The following MAML2 variants were observed in gnomAD, a reference collection of about 807,000 sequenced individuals.
MAML2 encodes mastermind like transcriptional coactivator 2.
In MAML2, 22 loss-of-function variants were observed where a neutral mutation model predicts 96.1. That is an observed-to-expected ratio of 0.23 (90% CI 0.16 to 0.33). The LOEUF is 0.33. Ranked by LOEUF, MAML2 falls within the 10% of genes least tolerant of loss-of-function variation. The probability of loss-of-function intolerance (pLI) is 1.00; values close to 1 mark genes in which losing one functional copy is unlikely to be tolerated. For synonymous variants in MAML2, 561 were observed against 521.3 expected, an observed-to-expected ratio of 1.08 and a Z score of -1.04; for missense variants, 1,367 against 1,392.4, an observed-to-expected ratio of 0.98 and a Z score of 0.29.
intron 1 of MAML2, among the ~76,000 whole-genome samples, chr11:96,219,896 T>C (rs938490719): frequency 2.6e-5 from 4 of 152,144 alleles, no homozygotes; most frequent in African/African-American, 9.7e-5. Flanking sequence ...AGTGCTGAGA[T>C]TACAGGTGTG....
chr11:96,068,438 T>TCACTCACACACACACACACACACA (rs1555004090), intron 2 of MAML2, among the ~76,000 whole-genome samples: 3 of 120,290 alleles, frequency 2.5e-5, no homozygotes, highest in Non-Finnish European at 5.2e-5. Flanking sequence ...GGAGCTTACT[T>TCACTCACACACACACACACACACA]CACACACACA....
At chr11:96,266,553 AGAGT>A (rs1862830967) in intron 1 of MAML2, among the ~76,000 whole-genome samples, 1 of 151,798 alleles carries the variant, frequency 6.6e-6, no homozygotes, top group African/African-American at 2.4e-5. Context: ...CCTGGGCAAC[AGAGT>A]GAGACTCCGT....
chr11:96,096,650 G>C (rs995793084), intron 1 of MAML2, among the ~76,000 whole-genome samples: 1 of 152,126 alleles, frequency 6.6e-6, no homozygotes, highest in East Asian at 1.9e-4. Context: ...CAGGGATCTC[G>C]TCCCGATTCT....
chr11:96,302,001 T>G (rs149804731), intron 1 of MAML2, among the ~76,000 whole-genome samples: 163 of 152,368 alleles, frequency 1.1e-3, no homozygotes, highest in African/African-American at 2.5e-3. Context: ...AAGCACTTTT[T>G]GTGTGTGTGC....
At chr11:96,039,323 G>A (rs951188380) in intron 2 of MAML2, among the ~76,000 whole-genome samples, 6 of 141,766 alleles carry the variant, frequency 4.2e-5, no homozygotes, top group Non-Finnish European at 9.2e-5. Flanking sequence ...GAGAGAGGAG[G>A]AGAGGAGGGG....
At chr11:96,080,988 T>C (rs1859521257) in intron 2 of MAML2, among the ~76,000 whole-genome samples, 1 of 152,180 alleles carries the variant, frequency 6.6e-6, no homozygotes, top group African/African-American at 2.4e-5. Context: ...ATAATGGGCA[T>C]TTTAATTATG....
At chr11:96,174,256 C>T (rs181655847) in intron 1 of MAML2, among the ~76,000 whole-genome samples, 31 of 152,344 alleles carry the variant, frequency 2.0e-4, no homozygotes, top group African/African-American at 7.5e-4. Flanking sequence ...GGATGCCTTG[C>T]TTTTCTGTCC....
chr11:96,325,224 T>C (rs7128299), intron 1 of MAML2, among the ~76,000 whole-genome samples: 2,667 of 152,186 alleles, frequency 0.018, 77 homozygotes, highest in African/African-American at 0.061. Flanking sequence ...CTATTCAACT[T>C]TGCCAGCTTT....
chr11:96,068,727 G>A (rs1859288026), intron 2 of MAML2, among the ~76,000 whole-genome samples: 1 of 151,678 alleles, frequency 6.6e-6, no homozygotes, highest in Non-Finnish European at 1.5e-5. Context: ...CTACTCAGGA[G>A]GCTGAGGCAG....
At chr11:96,255,949 C>T (rs1433738220) in intron 1 of MAML2, among the ~76,000 whole-genome samples, 3 of 138,476 alleles carry the variant, frequency 2.2e-5, no homozygotes, top group African/African-American at 8.2e-5. Flanking sequence ...TCTTGGCTTA[C>T]TGCAACCTCT....
rs532353767 is a variant in MAML2 at position 96,183,723 on chromosome 11, A to G, written c.514-90206T>C. Among the ~76,000 whole-genome samples the G allele has an allele frequency of 2.6e-5, 4 of 152,152 alleles. No homozygotes were observed. In the South Asian group the frequency reaches 8.3e-4, roughly 32 times the overall value. On this transcript the variant is annotated intron_variant, in intron 1 of 4. Transcript: ENST00000524717. ...CCACACCCAGCCCATTTCTTTTATT[A>G]TTACTTTATGTTTCAGAGCAGTCTT... is the stretch of plus-strand genomic sequence containing the variant.
intron 1 of MAML2, among the ~76,000 whole-genome samples, chr11:96,188,714 G>A (rs961579919): frequency 4.6e-5 from 7 of 151,946 alleles, no homozygotes; most frequent in African/African-American, 1.2e-4. Context: ...GATTCAGGGA[G>A]TGTATGAGAG....
rs1299528848 is a variant in MAML2 at position 95,976,756 on chromosome 11, AAGCTGACTCACAGG to A, written c.*2178_*2191del. ...ATACTATTTATGTTAGGGTAAAAAT[AAGCTGACTCACAGG>A]AGTGTAACTGGGAAGTGCTGGCAGA... On this transcript the variant is annotated 3_prime_UTR_variant, in exon 5 of 5. Coordinates refer to ENST00000524717, the MANE Select transcript of MAML2 (RefSeq NM_032427.4). 5.4e-6 allele frequency: 1 copy of A among 183,488 alleles called. No homozygotes were observed. Among genetic ancestry groups the A allele is most frequent in the Non-Finnish European group, 1.2e-5 (1 of 86,394 alleles). The allele number at this position is 183,488 out of a possible 1,614,324, so 11.4% of individuals were successfully genotyped here.
At chr11:96,223,559 T>A (rs1591081531) in intron 1 of MAML2, among the ~76,000 whole-genome samples, 3 of 151,446 alleles carry the variant, frequency 2.0e-5, no homozygotes, top group Middle Eastern at 6.8e-3. Context: ...TTTTCTTTTT[T>A]TCTTTGATTG....
chr11:96,299,081 A>ATATATATATATATATATATAT (rs1487119307), intron 1 of MAML2, among the ~76,000 whole-genome samples: 12 of 136,358 alleles, frequency 8.8e-5, no homozygotes, highest in South Asian at 2.3e-4. Context: ...ATATATATAT[A>ATATATATATATATATATATAT]AAATTTCACC....
intron 1 of MAML2, among the ~76,000 whole-genome samples, chr11:96,237,274 C>G (rs1862378187): frequency 6.6e-6 from 1 of 152,128 alleles, no homozygotes; most frequent in Admixed American, 6.6e-5. Flanking sequence ...TCTCTCTCGC[C>G]CTCACAAAGC....
At chr11:96,330,908 T>C (rs1863845138) in intron 1 of MAML2, among the ~76,000 whole-genome samples, 1 of 152,162 alleles carries the variant, frequency 6.6e-6, no homozygotes, top group South Asian at 2.1e-4. Flanking sequence ...CATTTTTTGA[T>C]GCCAGGAGTG....
At chr11:96,155,046 C>T (rs143266178) in intron 1 of MAML2, among the ~76,000 whole-genome samples, 10 of 152,290 alleles carry the variant, frequency 6.6e-5, no homozygotes, top group African/African-American at 1.9e-4. Context: ...TGCTATTCCA[C>T]GCGGTAAGTC....
intron 2 of MAML2, among the ~76,000 whole-genome samples, chr11:96,069,256 C>T (rs74643663): frequency 0.33 from 49,793 of 151,972 alleles, 8,732 homozygotes; most frequent in Non-Finnish European, 0.39. Flanking sequence ...CCCTCCCTCC[C>T]TTCCTCCCTT....
Sources: allele counts gnomAD v4.1 joint callset (sites outside exome capture counted in the v4.1 genomes callset), GRCh38; gene constraint gnomAD v4.1.1; transcripts MANE v1.5; gene names NCBI Gene and HGNC (gene_info 2026-07-23, HGNC 2026-07-21).